The following PDE4D variants were observed in gnomAD, a reference collection of about 807,000 sequenced individuals.
PDE4D encodes phosphodiesterase 4D.
In PDE4D, 24 loss-of-function variants were observed where a neutral mutation model predicts 87.4. The observed-to-expected ratio is 0.27, with a 90% confidence interval of 0.20 to 0.39. PDE4D has a LOEUF of 0.39. Among genes scored for constraint, PDE4D ranks in the 10% least tolerant of loss-of-function variants. The probability of loss-of-function intolerance (pLI) is 1.00; values close to 1 mark genes in which losing one functional copy is unlikely to be tolerated. For missense variants in PDE4D, 714 were observed against 1,041.0 expected, an observed-to-expected ratio of 0.69 and a Z score of 4.32; for synonymous variants, 384 against 383.2, an observed-to-expected ratio of 1.00 and a Z score of -0.02.
intron 2 of PDE4D, among the ~76,000 whole-genome samples, chr5:60,131,760 A>G (rs1345684956): frequency 2.0e-5 from 3 of 152,226 alleles, no homozygotes; most frequent in Admixed American, 2.0e-4. Context: ...TTAAGCCATT[A>G]TGATTTAAAG....
At chr5:59,831,335 A>G (rs1458573790) in intron 1 of PDE4D, among the ~76,000 whole-genome samples, 1 of 151,500 alleles carries the variant, frequency 6.6e-6, no homozygotes, top group East Asian at 1.9e-4. Flanking sequence ...TCAAAAAAAA[A>G]AAAAAAAAAA....
Position 60,060,701 on chromosome 5 carries a change from T to A in PDE4D, c.43-71984A>T, listed in dbSNP as rs1290128304. On this transcript the variant is annotated intron_variant, in intron 2 of 16. Coordinates refer to the PDE4D transcript ENST00000502484. ...CCACCTGGGACCTGGCTATTAAATG[T>A]TTTTTGTTTTTTCATTTTTCCTGAG... Among the ~76,000 whole-genome samples the A allele has an allele frequency of 3.3e-5, 5 of 152,114 alleles. No individual in the cohort carries two copies. In the East Asian group the frequency reaches 7.8e-4, roughly 24 times the overall value.
intron 1 of PDE4D, among the ~76,000 whole-genome samples, chr5:59,871,772 C>T (rs2152737710): frequency 6.6e-6 from 1 of 152,276 alleles, no homozygotes; most frequent in Admixed American, 6.5e-5. Flanking sequence ...TTGTCAAACT[C>T]ATCTTAGTTA....
chr5:59,691,227 A>G (rs1449106264), intron 1 of PDE4D, among the ~76,000 whole-genome samples: 3 of 152,306 alleles, frequency 2.0e-5, no homozygotes, highest in Non-Finnish European at 2.9e-5. Flanking sequence ...CTGGGTATAT[A>G]CCCAAAGGAT....
intron 1 of PDE4D, among the ~76,000 whole-genome samples, chr5:59,512,261 G>A (rs887511663): frequency 6.6e-6 from 1 of 152,212 alleles, no homozygotes; most frequent in East Asian, 1.9e-4. Context: ...CCCCTGAAAG[G>A]AGCAGGCTAA....
intron 1 of PDE4D, among the ~76,000 whole-genome samples, chr5:59,232,510 C>T (rs1418831906): frequency 5.5e-5 from 3 of 54,926 alleles, no homozygotes; most frequent in African/African-American, 2.7e-4. Flanking sequence ...TATTAAAAGA[C>T]CAAAAAAAAA....
chr5:59,302,349 A>G (rs1439360790), intron 1 of PDE4D, among the ~76,000 whole-genome samples: 2 of 151,816 alleles, frequency 1.3e-5, no homozygotes, highest in African/African-American at 2.4e-5. Flanking sequence ...TTGCTTCAAT[A>G]AACTTCTGAC....
chr5:60,191,209 AT>A lies in PDE4D; in HGVS notation c.-89-5523del, dbSNP rs77173122. 0.011 allele frequency among the ~76,000 whole-genome samples: 1,665 copies of A among 150,734 alleles called. 56 individuals are homozygous for A. In the East Asian group the frequency reaches 0.11, roughly 10 times the overall value. Reference sequence around the variant, plus strand: ...ACCACAAACTCATCTACTAGCTAACATTTTTTTTTCAATAATTGTTTTATGG... The same window carrying A: ...ACCACAAACTCATCTACTAGCTAACATTTTTTTTCAATAATTGTTTTATGG... On this transcript the variant is annotated intron_variant, in intron 1 of 16. Transcript: ENST00000502484.
At chr5:59,341,945 T>C (rs1778805119) in intron 1 of PDE4D, among the ~76,000 whole-genome samples, 1 of 152,162 alleles carries the variant, frequency 6.6e-6, no homozygotes, top group South Asian at 2.1e-4. Flanking sequence ...TATTATCTCA[T>C]TTAATACTTG....
intron 5 of PDE4D, among the ~76,000 whole-genome samples, chr5:59,066,974 C>G (rs375076435): frequency 8.0e-5 from 12 of 149,822 alleles, no homozygotes; most frequent in African/African-American, 3.0e-4. Context: ...TGTTTATAAG[C>G]CACCCAGCTC....
intron 1 of PDE4D, among the ~76,000 whole-genome samples, chr5:59,668,581 T>C (rs1746452017): frequency 6.6e-6 from 1 of 151,800 alleles, no homozygotes; most frequent in African/African-American, 2.4e-5. Context: ...TGGTGGCCCA[T>C]GCCTGTAGTC....
intron 5 of PDE4D, among the ~76,000 whole-genome samples, chr5:59,114,740 C>G (rs1773288310): frequency 6.6e-6 from 1 of 151,896 alleles, no homozygotes; most frequent in Non-Finnish European, 1.5e-5. Flanking sequence ...GATACACTGG[C>G]AATTGACTTA....
intron 1 of PDE4D, among the ~76,000 whole-genome samples, chr5:60,260,823 C>A (rs951806114): frequency 6.6e-6 from 1 of 152,072 alleles, no homozygotes; most frequent in East Asian, 1.9e-4. Flanking sequence ...CTAGAAGTTT[C>A]ATTTAAAAAC....
At chr5:60,291,693 A>T (rs1356865471) in intron 1 of PDE4D, among the ~76,000 whole-genome samples, 1 of 151,330 alleles carries the variant, frequency 6.6e-6, no homozygotes, top group Admixed American at 6.6e-5. Flanking sequence ...AACAAAATTA[A>T]AAAAAAAACC....
intron 2 of PDE4D, among the ~76,000 whole-genome samples, chr5:60,063,095 G>GAAAGAAGAAAGAAAGA (rs1554144202): frequency 1.7e-4 from 17 of 97,284 alleles, no homozygotes; most frequent in Non-Finnish European, 2.5e-4. Context: ...AAGAAAGAAA[G>GAAAGAAGAAAGAAAGA]AAGAAAGAAA....
At chr5:59,024,567 A>G (rs1157736200) in intron 6 of PDE4D, among the ~76,000 whole-genome samples, 3 of 152,102 alleles carry the variant, frequency 2.0e-5, no homozygotes, top group South Asian at 2.1e-4. Context: ...GTAATGATGC[A>G]TTCTCTTCAT....
intron 1 of PDE4D, among the ~76,000 whole-genome samples, chr5:59,704,544 G>C (rs1030668358): frequency 3.9e-5 from 6 of 152,168 alleles, no homozygotes; most frequent in African/African-American, 1.2e-4. Context: ...CCAGCATTGT[G>C]CTGGAAACTG....
At chr5:59,205,612 G>A (rs1748573739) in intron 2 of PDE4D, among the ~76,000 whole-genome samples, 1 of 147,976 alleles carries the variant, frequency 6.8e-6, no homozygotes, top group South Asian at 2.1e-4. Flanking sequence ...AGAATATTCT[G>A]CAAGACTCTC....
chr5:58,975,936 C>T lies in PDE4D; in HGVS notation c.1831-97G>A. On this transcript the variant is annotated intron_variant, in intron 13 of 14. Transcript: ENST00000340635. This position sits in a 1 kb window ranked among gnomAD's most constrained non-coding sequence, Gnocchi z 4.2. ...AAATTCACATTGGATGACTGCAACA[C>T]TTAAAAATACACGTAGTGTAAGATT... The T allele has an allele frequency of 4.7e-6, 4 of 856,828 alleles. No homozygotes were observed. The highest frequency in any genetic ancestry group is 2.7e-5 in the South Asian group (1 of 37,426). 53.1% of individuals were successfully genotyped at this position (856,828 alleles called of 1,614,324 possible). A position where few individuals can be genotyped will look rare whatever the true frequency, so the allele number is the denominator to read the frequency against.
Sources: gnomAD v4.1 joint callset for allele counts (sites outside exome capture counted in the v4.1 genomes callset) on GRCh38, gnomAD v4.1.1 for gene constraint, Gnocchi (gnomAD v3.1) non-coding constraint, MANE v1.5 for transcripts, NCBI Gene and HGNC (gene_info 2026-07-23, HGNC 2026-07-21) for gene names.